ATG10: variants seen among roughly 807,000 people sequenced by gnomAD.
ATG10 encodes ubiquitin-like-conjugating enzyme ATG10.
ATG10 carries 30 observed loss-of-function variants against 32.1 expected under a neutral mutation model. The observed-to-expected ratio is 0.94, with a 90% confidence interval of 0.70 to 1.27. The LOEUF (loss-of-function observed/expected upper bound fraction) is 1.27, where lower values mean the gene tolerates loss of function less well. Among genes scored for constraint, ATG10 ranks in the 50% most tolerant of loss-of-function variants. The pLI, the probability that ATG10 is intolerant of heterozygous loss-of-function variation, is 0.00. For synonymous variants in ATG10, 87 were observed against 91.5 expected (o/e 0.95, Z 0.28); for missense variants, 233 against 262.3 (o/e 0.89, Z 0.77).
intron 2 of ATG10, among the ~76,000 whole-genome samples, chr5:82,036,938 C>G (rs1762941563): frequency 6.6e-6 from 1 of 151,654 alleles, no homozygotes; most frequent in African/African-American, 2.4e-5. Context: ...CGAGACCATC[C>G]TGGCCAACAT....
At chr5:82,013,678 A>AT (rs2149697575) in intron 2 of ATG10, among the ~76,000 whole-genome samples, 1 of 150,966 alleles carries the variant, frequency 6.6e-6, no homozygotes, top group East Asian at 1.9e-4. Flanking sequence ...TTTTTTTTTG[A>AT]TTTTTTGATT....
intron 3 of ATG10, among the ~76,000 whole-genome samples, chr5:82,060,882 A>G (rs1763745436): frequency 6.6e-6 from 1 of 152,208 alleles, no homozygotes; most frequent in Non-Finnish European, 1.5e-5. Flanking sequence ...GTTAAGTGAA[A>G]AAAAGGTAGA....
chr5:82,040,329 A>G (rs1399077066), intron 2 of ATG10, among the ~76,000 whole-genome samples: 3 of 152,262 alleles, frequency 2.0e-5, no homozygotes, highest in Admixed American at 2.0e-4. Flanking sequence ...TTAGCAAAGA[A>G]TAAAAACAAA....
At chr5:82,015,472 C>T (rs530183634) in intron 2 of ATG10, among the ~76,000 whole-genome samples, 2 of 152,182 alleles carry the variant, frequency 1.3e-5, no homozygotes, top group Non-Finnish European at 2.9e-5. Flanking sequence ...ACCTATCAGA[C>T]GTAGATTTGG....
intron 3 of ATG10, among the ~76,000 whole-genome samples, chr5:82,081,478 T>G (rs1332950639): frequency 6.6e-6 from 1 of 152,234 alleles, no homozygotes; most frequent in Non-Finnish European, 1.5e-5. Flanking sequence ...CCATCCAGTA[T>G]GATATTGGCT....
At chr5:82,175,675 C>T (rs1158917682) in intron 4 of ATG10, among the ~76,000 whole-genome samples, 1 of 152,078 alleles carries the variant, frequency 6.6e-6, no homozygotes, top group African/African-American at 2.4e-5. Context: ...GTGGTCTTTC[C>T]ACTGGTTGGC....
At chr5:81,983,280 G>T (rs1761122262) in intron 1 of ATG10, among the ~76,000 whole-genome samples, 2 of 147,964 alleles carry the variant, frequency 1.4e-5, no homozygotes, top group African/African-American at 2.5e-5. Context: ...TGGCTGGGCG[G>T]GGGGCTGACC....
intron 2 of ATG10, among the ~76,000 whole-genome samples, chr5:82,013,813 T>C (rs1400544228): frequency 6.6e-6 from 1 of 152,142 alleles, no homozygotes; most frequent in African/African-American, 2.4e-5. Context: ...CTTTTGAGAA[T>C]TGTCTATTCA....
intron 2 of ATG10, among the ~76,000 whole-genome samples, chr5:82,030,941 G>C (rs1167505802): frequency 6.7e-6 from 1 of 148,904 alleles, no homozygotes; most frequent in Non-Finnish European, 1.5e-5. Context: ...TTTTGCTTGT[G>C]ACTTTTTAAA....
intron 3 of ATG10, among the ~76,000 whole-genome samples, chr5:82,082,159 G>T (rs1190193483): frequency 2.0e-5 from 3 of 152,094 alleles, no homozygotes; most frequent in Admixed American, 1.3e-4. Context: ...TTTGGGGGGG[G>T]GGACACAGCC....
Position 81,993,360 on chromosome 5 carries a change from C to CTTCTTTCTTTTCTT in ATG10, c.108+5688_108+5689insCTTTTCTTTTCTTT, listed in dbSNP as rs1389776064. Among the ~76,000 whole-genome samples the CTTCTTTCTTTTCTT allele has an allele frequency of 7.7e-3, 359 of 46,768 alleles. 43 individuals are homozygous for CTTCTTTCTTTTCTT. The highest frequency in any genetic ancestry group is 0.016 in the African/African-American group (175 of 10,994). 30.7% of individuals were successfully genotyped at this position (46,768 alleles called of 152,430 possible). ...CCTTCTTTCTTTCTTTCTTTCTTTC[C>CTTCTTTCTTTTCTT]TTCTTTTCTTTTCTTTTCTTTTCTT... On this transcript the variant is annotated intron_variant, in intron 2 of 7. Transcript: ENST00000282185.
chr5:82,127,079 A>G (rs1408965177), intron 3 of ATG10, among the ~76,000 whole-genome samples: 2 of 152,274 alleles, frequency 1.3e-5, no homozygotes, highest in African/African-American at 4.8e-5. Context: ...AGAGGTGTTT[A>G]TAGTATTCTC....
intron 2 of ATG10, among the ~76,000 whole-genome samples, chr5:82,033,959 T>C (rs1185191489): frequency 6.8e-6 from 1 of 148,060 alleles, no homozygotes; most frequent in African/African-American, 2.5e-5. Flanking sequence ...TATGTATATA[T>C]ACATATATAG....
At chr5:82,154,335 T>A (rs1276591531) in intron 3 of ATG10, among the ~76,000 whole-genome samples, 1 of 152,200 alleles carries the variant, frequency 6.6e-6, no homozygotes, top group Non-Finnish European at 1.5e-5. Context: ...TCTGGCTCTT[T>A]AAGAAAATGT....
intron 3 of ATG10, among the ~76,000 whole-genome samples, chr5:82,060,639 G>A (rs532300881): frequency 3.9e-5 from 6 of 152,098 alleles, no homozygotes; most frequent in Non-Finnish European, 7.4e-5. Flanking sequence ...CGAGGCAGGC[G>A]GATCACCTGA....
intron 2 of ATG10, among the ~76,000 whole-genome samples, chr5:82,049,939 G>GA (rs1208415928): frequency 6.6e-6 from 1 of 151,796 alleles, no homozygotes; most frequent in East Asian, 1.9e-4. Context: ...ATTTCTACAA[G>GA]AAAAAATAAC....
rs1246984814 is a variant in ATG10 at position 82,203,349 on chromosome 5, T to TG, written c.453+24765dup. ...CACAGTTCCACAGTGGGGCAGCCAT[T>TG]GGGTCAAAGCCAGGAAATAAAAGAC... is the stretch of plus-strand genomic sequence containing the variant. On this transcript the variant is annotated intron_variant, in intron 5 of 7. Transcript: ENST00000282185. Among the ~76,000 whole-genome samples the TG allele has an allele frequency of 3.9e-5, 6 of 152,192 alleles. No individual in the cohort carries two copies. In the East Asian group the frequency reaches 1.2e-3, roughly 29 times the overall value.
intron 3 of ATG10, among the ~76,000 whole-genome samples, chr5:82,119,378 T>C (rs1311889965): frequency 6.6e-6 from 1 of 152,068 alleles, no homozygotes; most frequent in Non-Finnish European, 1.5e-5. Flanking sequence ...TGCATAAGGG[T>C]ATTATTATAA....
chr5:81,995,406 G>C (rs1339431414), intron 2 of ATG10, among the ~76,000 whole-genome samples: 1 of 152,166 alleles, frequency 6.6e-6, no homozygotes, highest in East Asian at 1.9e-4. Context: ...GCCTCCCAAA[G>C]TGTTGGGATT....
Sources: allele counts gnomAD v4.1 joint callset (sites outside exome capture counted in the v4.1 genomes callset), GRCh38; gene constraint gnomAD v4.1.1; transcripts MANE v1.5; gene names NCBI Gene and HGNC (gene_info 2026-07-23, HGNC 2026-07-21).